GNL3L: variants seen among roughly 807,000 people sequenced by gnomAD.
The protein encoded by GNL3L is G protein nucleolar 3 like.
GNL3L carries 4 observed loss-of-function variants against 42.9 expected under a neutral mutation model. The observed-to-expected ratio is 0.09, with a 90% CI of 0.05 to 0.21. GNL3L has a LOEUF of 0.21. Ranked by LOEUF, GNL3L falls within the 10% of genes least tolerant of loss-of-function variation. The probability of loss-of-function intolerance (pLI) is 1.00; values close to 1 mark genes in which losing one functional copy is unlikely to be tolerated. For missense variants in GNL3L, 412 were observed against 481.7 expected (o/e 0.86, Z 1.36); for synonymous variants, 159 against 176.3 (o/e 0.90, Z 0.78).
chrX:54,631,267 G>A, the GNL3L span, among the ~76,000 whole-genome samples: 2 of 111,391 alleles, frequency 1.8e-5, no homozygotes, highest in African/African-American at 6.5e-5. Flanking sequence ...CAAGGGTATA[G>A]TTAAAGTACA....
chrX:54,573,327 C>A (rs1292601787), intron 16 of GNL3L, among the ~76,000 whole-genome samples: 1 of 113,021 alleles, frequency 8.8e-6, no homozygotes, highest in Middle Eastern at 4.6e-3. Context: ...GCGGATCACT[C>A]GCGGTTAGGA....
Position 54,589,522 on chromosome X carries a change from T to G in GNL3L, c.*45+28875T>G, listed in dbSNP as rs1925838264. ...GTTTTTGTGCCTGGCTTATTACACT[T>G]AACATAATGATCTCTAGTTCCAGCC... On this transcript the variant is annotated intron_variant, in intron 16 of 16. Coordinates refer to the GNL3L transcript ENST00000674498. 7.2e-5 allele frequency among the ~76,000 whole-genome samples: 8 copies of G among 111,760 alleles called. No individual in the cohort carries two copies. In the South Asian group the frequency reaches 3.0e-3, roughly 42 times the overall value.
chrX:54,614,243 A>T (rs765644853), intron 16 of GNL3L, among the ~76,000 whole-genome samples: 1 of 111,069 alleles, frequency 9.0e-6, no homozygotes, highest in South Asian at 3.9e-4. Flanking sequence ...GCTCCCAGCA[A>T]ACGAAGGGCC....
At chrX:54,626,383 G>C (rs1383489364), downstream of GNL3L, among the ~76,000 whole-genome samples, 4 of 111,875 alleles carry the variant, frequency 3.6e-5, no homozygotes, top group Non-Finnish European at 7.5e-5. Context: ...AGGTTGAGTA[G>C]TATTCTATTG....
the GNL3L span, among the ~76,000 whole-genome samples, chrX:54,639,173 A>G: frequency 2.1e-4 from 23 of 110,994 alleles, no homozygotes; most frequent in Non-Finnish European, 3.6e-4. Context: ...TCTCAAACTC[A>G]TGGACTCAAG....
downstream of GNL3L, among the ~76,000 whole-genome samples, chrX:54,624,421 C>CTT (rs148616192): frequency 2.1e-5 from 2 of 95,250 alleles, no homozygotes; most frequent in African/African-American, 7.8e-5. Flanking sequence ...GGAATGATTT[C>CTT]TTTTTTTTTT....
At chrX:54,568,437 T>C (rs1379691285), downstream of GNL3L, among the ~76,000 whole-genome samples, 4 of 111,768 alleles carry the variant, frequency 3.6e-5, no homozygotes. Flanking sequence ...AGGGTTACAC[T>C]CTCTCCAGAG....
intron 16 of GNL3L, among the ~76,000 whole-genome samples, chrX:54,601,016 A>C (rs183396199): frequency 1.2e-4 from 13 of 112,580 alleles, no homozygotes; most frequent in Non-Finnish European, 7.5e-5. Flanking sequence ...TTATTCAGCA[A>C]TAATAGGAAA....
At chrX:54,550,879 C>T in intron 9 of GNL3L, 84 bp from the exon 10 acceptor site, 1 of 579,038 alleles carries the variant, frequency 1.7e-6, no homozygotes, top group South Asian at 2.5e-5. Context: ...GGTTACTACC[C>T]CTGGCTAGGC....
In GNL3L at chrX:54,611,736, C is replaced by T. The variant is rs186702350; in HGVS notation, c.*46-9109C>T. Reference sequence around the variant, plus strand: ...GTGCTTGATATAATTCTGAAGTTTCCTTTTGGAGTTGATTTCCAGTCTTAT... The same window carrying T: ...GTGCTTGATATAATTCTGAAGTTTCTTTTTGGAGTTGATTTCCAGTCTTAT... On this transcript the variant is annotated intron_variant, in intron 16 of 16. Transcript: ENST00000674498. Among the ~76,000 whole-genome samples, 22 of 111,072 alleles carry T rather than the reference C, an allele frequency of 2.0e-4. No homozygotes were observed. The East Asian group carries it at 5.9e-3, about 30-fold the overall frequency.
chrX:54,628,085 GT>G, the GNL3L span, among the ~76,000 whole-genome samples: 1 of 110,699 alleles, frequency 9.0e-6, no homozygotes, highest in Non-Finnish European at 1.9e-5. Flanking sequence ...CCAATTTTAA[GT>G]GAGAACATAT....
At chrX:54,541,431 C>A in intron 5 of GNL3L, 42 bp downstream of exon 5, 2 of 817,207 alleles carry the variant, frequency 2.4e-6, no homozygotes, top group African/African-American at 2.0e-5. Context: ...TTGCTCAAAG[C>A]ATCTTTTGCC....
chrX:54,641,923 C>T, the GNL3L span, among the ~76,000 whole-genome samples: 1 of 111,600 alleles, frequency 9.0e-6, no homozygotes, highest in African/African-American at 3.3e-5. Flanking sequence ...GGCAGATGTA[C>T]AGAGAGAAGC....
chrX:54,591,642 C>A (rs144412096), intron 16 of GNL3L, among the ~76,000 whole-genome samples: 1 of 105,204 alleles, frequency 9.5e-6, no homozygotes, highest in Non-Finnish European at 2.0e-5. Flanking sequence ...AGATTTGTTT[C>A]TGAGTTCTCT....
chrX:54,558,644 A>G lies in GNL3L; in HGVS notation c.1655A>G (p.Gln552Arg). The change falls in exon 15 of 16, where the codon CAG (glutamine) becomes CGG (arginine). Residue 552 changes from glutamine (Q) to arginine (R), a missense_variant. Coordinates refer to ENST00000360845, the MANE Select transcript of GNL3L (RefSeq NM_001184819.2). The part of the protein sequence containing the change: ...ASALKNKKKM[Q>R]KRADKIASKL... ...GCCCTGAAAAATAAGAAGAAGATGCAGAAACGTGCAGGTGGGAGCCCCAGA... is the reference window on the plus strand; with the variant it reads ...GCCCTGAAAAATAAGAAGAAGATGCGGAAACGTGCAGGTGGGAGCCCCAGA... The G allele has an allele frequency of 8.4e-7, 1 of 1,189,452 alleles. No homozygotes were observed. Among genetic ancestry groups the G allele is most frequent in the Non-Finnish European group, 1.1e-6 (1 of 878,474 alleles).
chrX:54,623,374 C>T (rs1183383209), downstream of GNL3L, among the ~76,000 whole-genome samples: 1 of 111,849 alleles, frequency 8.9e-6, no homozygotes. Context: ...AAATGATTCT[C>T]CTGCCTCAGC....
At position 54,543,016 on chromosome X, in the gene GNL3L, C is replaced by T; in HGVS notation, c.368C>T (p.Ala123Val). 1 of 1,184,106 alleles carries T rather than the reference C, an allele frequency of 8.4e-7. No individual in the cohort carries two copies. The highest frequency in any genetic ancestry group is 3.0e-5 in the East Asian group (1 of 33,753). The part of the protein sequence containing the change: ...PQLDDEATRK[A>V]YYKEFRKVVE... ...CTGGATGACGAGGCCACGAGGAAGG[C>T]TTATTACAAGGAGTTCCGTAAGGTA... is the stretch of plus-strand genomic sequence containing the variant. Residue 123 changes from alanine (A) to valine (V), a missense_variant, in exon 6 of 16, where the codon GCT becomes GTT. Physicochemically the swap from Ala to Val is moderately conservative, Grantham distance 64. Coordinates refer to ENST00000360845, the MANE Select transcript of GNL3L (RefSeq NM_001184819.2).
At chrX:54,548,445 C>T in intron 9 of GNL3L, 72 bp downstream of exon 9, 6 of 866,781 alleles carry the variant, frequency 6.9e-6, no homozygotes, top group Non-Finnish European at 9.9e-6. Context: ...GGAAAGGATC[C>T]TGGGAGCTTC....
At chrX:54,533,973 TGTGGAAAGACTATTAG>T (rs1924345389) in intron 2 of GNL3L, among the ~76,000 whole-genome samples, 1 of 100,014 alleles carries the variant, frequency 1.0e-5, no homozygotes. Context: ...AACTGTATTG[TGTGGAAAGACTATTAG>T]ATGGAAAGAT....
Sources: gnomAD v4.1 joint callset for allele counts (sites outside exome capture counted in the v4.1 genomes callset) on GRCh38, gnomAD v4.1.1 for gene constraint, MANE v1.5 for transcripts, NCBI Gene and HGNC (gene_info 2026-07-23, HGNC 2026-07-21) for gene names.